The following PTCSC3 variants were observed in gnomAD, a reference collection of about 807,000 sequenced individuals.
The protein encoded by PTCSC3 is papillary thyroid carcinoma susceptibility candidate 3 (non-protein coding).
At chr14:36,159,140 C>T (rs1566508528) in intron 2 of PTCSC3, among the ~76,000 whole-genome samples, 2 of 150,966 alleles carry the variant, frequency 1.3e-5, no homozygotes, top group Middle Eastern at 3.4e-3. Flanking sequence ...TGATTCTTCT[C>T]TCTTTTATTA....
At chr14:36,163,044 A>G (rs1171794474) in intron 1 of PTCSC3, among the ~76,000 whole-genome samples, 1 of 152,100 alleles carries the variant, frequency 6.6e-6, no homozygotes, top group Non-Finnish European at 1.5e-5. Flanking sequence ...CAAGGTTAAA[A>G]TCTGAAGCAA....
chr14:36,171,432 A>G (rs1834855), intron 1 of PTCSC3, among the ~76,000 whole-genome samples: 88,814 of 151,626 alleles, frequency 0.59, 27,303 homozygotes, highest in Non-Finnish European at 0.69. Flanking sequence ...TGCTATACTG[A>G]AATCTGAATG....
At chr14:36,141,572 C>T (rs4982337) in intron 3 of PTCSC3, among the ~76,000 whole-genome samples, 73,687 of 151,834 alleles carry the variant, frequency 0.49, 19,106 homozygotes, top group Non-Finnish European at 0.59. Flanking sequence ...AGGCTGGTCT[C>T]GAACTCCTAA....
intron 1 of PTCSC3, among the ~76,000 whole-genome samples, chr14:36,174,061 G>C (rs1014984855): frequency 2.6e-5 from 4 of 151,930 alleles, no homozygotes; most frequent in Non-Finnish European, 5.9e-5. Context: ...AACGTGCCTA[G>C]GTGCAGATTT....
At chr14:36,165,722 C>CTTTTTTTTTTTTTTTTTT (rs71448056) in intron 1 of PTCSC3, among the ~76,000 whole-genome samples, 2 of 124,820 alleles carry the variant, frequency 1.6e-5, no homozygotes, top group African/African-American at 5.8e-5. Flanking sequence ...TTTATTTTTC[C>CTTTTTTTTTTTTTTTTTT]TTTTTTTTTT....
At chr14:36,166,076 T>C (rs187041357) in intron 1 of PTCSC3, among the ~76,000 whole-genome samples, 20 of 152,214 alleles carry the variant, frequency 1.3e-4, no homozygotes, top group African/African-American at 4.6e-4. Flanking sequence ...GCTTCTCTTA[T>C]CAGTCAGCCA....
chr14:36,165,526 C>T (rs904460431), intron 1 of PTCSC3, among the ~76,000 whole-genome samples: 16 of 151,614 alleles, frequency 1.1e-4, no homozygotes, highest in African/African-American at 3.9e-4. Flanking sequence ...AAAATAAATC[C>T]CTTGTTTGCA....
At chr14:36,139,069 G>A (rs1296082875) in intron 3 of PTCSC3, among the ~76,000 whole-genome samples, 2 of 147,476 alleles carry the variant, frequency 1.4e-5, no homozygotes, top group Non-Finnish European at 3.0e-5. Flanking sequence ...AGCCGAGATC[G>A]CGCCACCGCA....
At position 36,148,624 on chromosome 14, in the gene PTCSC3, C is replaced by A. The variant is rs145669097; in HGVS notation, n.322+5180G>T. 9.8e-5 allele frequency among the ~76,000 whole-genome samples: 15 copies of A among 152,360 alleles called. No individual in the cohort carries two copies. The Middle Eastern group carries it at 0.01, about 104-fold the overall frequency. ...TGGAAATGCAGAAATCACCTGTCTT[C>A]TGCCTTGCTCACGCTGGTAGCTGTA... On this transcript the variant is annotated intron_variant and non_coding_transcript_variant, in intron 3 of 3. Transcript: ENST00000556013.
chr14:36,146,546 C>T (rs1881573572), intron 3 of PTCSC3, among the ~76,000 whole-genome samples: 1 of 152,040 alleles, frequency 6.6e-6, no homozygotes, highest in Admixed American at 6.5e-5. Flanking sequence ...TATTTTGAGC[C>T]TATGTGTGTC....
intron 3 of PTCSC3, among the ~76,000 whole-genome samples, chr14:36,142,371 G>C (rs1034633631): frequency 3.9e-5 from 6 of 152,138 alleles, no homozygotes; most frequent in African/African-American, 9.7e-5. Flanking sequence ...GTGATGGATT[G>C]ATTGATTTCC....
At chr14:36,146,048 C>T (rs1881558228) in intron 3 of PTCSC3, among the ~76,000 whole-genome samples, 1 of 151,392 alleles carries the variant, frequency 6.6e-6, no homozygotes, top group South Asian at 2.1e-4. Context: ...AATCTCTGTT[C>T]TTTTACATTT....
intron 2 of PTCSC3, among the ~76,000 whole-genome samples, chr14:36,159,502 T>G (rs1234883099): frequency 5.3e-5 from 8 of 152,180 alleles, no homozygotes; most frequent in Non-Finnish European, 8.8e-5. Context: ...ATTTCATTAT[T>G]TACCCAGTAG....
intron 3 of PTCSC3, among the ~76,000 whole-genome samples, chr14:36,150,273 G>A (rs2139096734): frequency 6.6e-6 from 1 of 152,242 alleles, no homozygotes. Context: ...TATGAGGGTA[G>A]AGCCCTCATG....
intron 2 of PTCSC3, among the ~76,000 whole-genome samples, chr14:36,157,328 A>T (rs1029762518): frequency 1.3e-4 from 19 of 151,812 alleles, no homozygotes; most frequent in African/African-American, 4.6e-4. Context: ...GATTGAAAAA[A>T]TTTTCTCCCA....
downstream of PTCSC3, among the ~76,000 whole-genome samples, chr14:36,135,068 C>T (rs543326946): frequency 6.6e-6 from 1 of 152,154 alleles, no homozygotes; most frequent in Non-Finnish European, 1.5e-5. Context: ...GCTGTAGAAG[C>T]TAATGGCAGC....
intron 3 of PTCSC3, among the ~76,000 whole-genome samples, chr14:36,138,230 A>G (rs1881333318): frequency 6.6e-6 from 1 of 152,214 alleles, no homozygotes; most frequent in Non-Finnish European, 1.5e-5. Context: ...AATTAACTCA[A>G]AATAGACCTA....
rs949907421 is a variant in PTCSC3, at chr14:36,160,618, G to A, written n.231+2006C>T. 4.0e-5 allele frequency among the ~76,000 whole-genome samples: 6 copies of A among 150,712 alleles called. No homozygotes were observed. In the East Asian group the frequency reaches 9.7e-4, roughly 24 times the overall value. The stretch of plus-strand genomic sequence containing the variant: ...CTTTTAGTCTGATGGGCTTCCCTTT[G>A]TAGGTAACCTGACCTTTCTCTCTGG... On this transcript the variant is annotated intron_variant and non_coding_transcript_variant, in intron 2 of 3. Transcript: ENST00000556013.
intron 3 of PTCSC3, among the ~76,000 whole-genome samples, chr14:36,145,393 G>C (rs1441496249): frequency 2.6e-5 from 4 of 150,990 alleles, no homozygotes; most frequent in African/African-American, 9.7e-5. Context: ...TCTTGGGAGA[G>C]TGTATGTGTT....
Sources: gnomAD v4.1 joint callset for allele counts (sites outside exome capture counted in the v4.1 genomes callset) on GRCh38, gnomAD v4.1.1 for gene constraint, MANE v1.5 for transcripts, NCBI Gene and HGNC (gene_info 2026-07-23, HGNC 2026-07-21) for gene names.